Variants in STXBP5L observed in about 807,000 individuals in gnomAD.
The protein encoded by STXBP5L is syntaxin-binding protein 5-like.
In STXBP5L, 65 loss-of-function variants were observed where a neutral mutation model predicts 144.5. The ratio of observed to expected loss-of-function variants is 0.45; its 90% CI spans 0.37 to 0.55. STXBP5L has a LOEUF of 0.55. Ranked by LOEUF, STXBP5L falls within the 20% of genes least tolerant of loss-of-function variation. The probability of loss-of-function intolerance (pLI) is 0.00; values close to 1 mark genes in which losing one functional copy is unlikely to be tolerated. For missense variants in STXBP5L, 1,298 were observed against 1,405.5 expected, an observed-to-expected ratio of 0.92 and a Z score of 1.22; for synonymous variants, 505 against 469.6, an observed-to-expected ratio of 1.08 and a Z score of -0.97.
At chr3:121,394,926 G>A (rs114665868) in intron 22 of STXBP5L, among the ~76,000 whole-genome samples, 2,400 of 152,104 alleles carry the variant, frequency 0.016, 34 homozygotes, top group Non-Finnish European at 0.028. Context: ...AAAATTCACT[G>A]AAGAAAAATG....
At chr3:121,151,447 A>G (rs2107981803) in intron 7 of STXBP5L, among the ~76,000 whole-genome samples, 1 of 152,262 alleles carries the variant, frequency 6.6e-6, no homozygotes, top group African/African-American at 2.4e-5. Context: ...GAAAACTACT[A>G]GCTGGTTTAC....
intron 11 of STXBP5L, among the ~76,000 whole-genome samples, chr3:121,225,548 G>A (rs1208128333): frequency 1.3e-5 from 2 of 152,032 alleles, no homozygotes; most frequent in Non-Finnish European, 2.9e-5. Flanking sequence ...CCAATGAGGA[G>A]TCCTAATTGG....
intron 11 of STXBP5L, among the ~76,000 whole-genome samples, chr3:121,225,084 C>T (rs2108295423): frequency 1.3e-5 from 2 of 152,208 alleles, no homozygotes; most frequent in Non-Finnish European, 2.9e-5. Flanking sequence ...GAACTTTTCA[C>T]TTGTCAAAAG....
rs1287453619 is a variant in STXBP5L, at chr3:121,407,255, CA to C, written c.2601del (p.Leu868Ter). 1 of 1,563,620 alleles carries C rather than the reference CA, an allele frequency of 6.4e-7. No homozygotes were observed. Among genetic ancestry groups the C allele is most frequent in the Non-Finnish European group, 8.6e-7 (1 of 1,157,612 alleles). Reference protein sequence around the residue: ...VMVLPSGTFLSLKGAVLTFSC... With the variant: ...VMVLPSGTFLXLKGAVLTFSC... The stretch of plus-strand genomic sequence containing the variant: ...ATTGTTTTTATAGGTACATTCCTCT[CA>C]TTGAAAGGAGCTGTGCTAACATTCT... On this transcript the variant is annotated frameshift_variant, in exon 23 of 27. Coordinates refer to ENST00000471454, the MANE Select transcript of STXBP5L (RefSeq NM_001308330.2). LOFTEE classifies it high-confidence loss of function.
chr3:121,117,992 A>C (rs1387933903), intron 6 of STXBP5L, among the ~76,000 whole-genome samples: 6 of 151,774 alleles, frequency 4.0e-5, no homozygotes, highest in African/African-American at 9.7e-5. Context: ...TAACATTTTA[A>C]AAAAATGTAA....
intron 5 of STXBP5L, among the ~76,000 whole-genome samples, chr3:121,104,701 G>A (rs1291811724): frequency 6.6e-6 from 1 of 152,116 alleles, no homozygotes; most frequent in Non-Finnish European, 1.5e-5. Context: ...CACATATAGA[G>A]AATGAAAGTG....
intron 10 of STXBP5L, among the ~76,000 whole-genome samples, chr3:121,214,497 T>C (rs1343589876): frequency 1.3e-5 from 2 of 152,210 alleles, no homozygotes; most frequent in Admixed American, 1.3e-4. Flanking sequence ...GGTTGATCAG[T>C]TTCCATGTTG....
rs141796414 is a variant in STXBP5L at position 121,216,560 on chromosome 3, C to T, written c.957-6443C>T. ...TGCCTGTTCCTTCCTCTGGAAGCTT[C>T]GTCTTAGAGGGACACCCACCAGATG... On this transcript the variant is annotated intron_variant, in intron 10 of 26. Transcript: ENST00000471454. Among the ~76,000 whole-genome samples the T allele has an allele frequency of 8.3e-3, 1,267 of 152,282 alleles. 17 individuals are homozygous for T. Among genetic ancestry groups the T allele is most frequent in the African/African-American group, 0.027 (1,142 of 41,554 alleles).
intron 9 of STXBP5L, among the ~76,000 whole-genome samples, chr3:121,194,638 A>T (rs2047848254): frequency 6.6e-6 from 1 of 152,164 alleles, no homozygotes; most frequent in African/African-American, 2.4e-5. Context: ...GTTTGTGAAA[A>T]ATTGATACTA....
intron 5 of STXBP5L, among the ~76,000 whole-genome samples, chr3:121,079,467 CT>C (rs1288523074): frequency 6.6e-6 from 1 of 152,132 alleles, no homozygotes; most frequent in African/African-American, 2.4e-5. Context: ...GTTAATATTC[CT>C]TTTTAACTTG....
At chr3:120,971,810 A>T (rs1054715653) in intron 3 of STXBP5L, among the ~76,000 whole-genome samples, 2 of 151,522 alleles carry the variant, frequency 1.3e-5, no homozygotes, top group Admixed American at 6.6e-5. Flanking sequence ...ATATATATAT[A>T]TGTCTGTGCC....
intron 19 of STXBP5L, among the ~76,000 whole-genome samples, chr3:121,292,778 C>T (rs2051492590): frequency 6.6e-6 from 1 of 152,136 alleles, no homozygotes; most frequent in South Asian, 2.1e-4. Flanking sequence ...TGAAGTAACT[C>T]AGGAATGGAA....
chr3:121,026,554 G>A (rs1164822791), intron 3 of STXBP5L, among the ~76,000 whole-genome samples: 1 of 152,024 alleles, frequency 6.6e-6, no homozygotes, highest in Non-Finnish European at 1.5e-5. Flanking sequence ...AGTGCTCAAT[G>A]GTTTGGCAGT....
At chr3:121,193,163 A>T (rs1250193063) in intron 9 of STXBP5L, among the ~76,000 whole-genome samples, 2 of 142,790 alleles carry the variant, frequency 1.4e-5, no homozygotes, top group African/African-American at 5.2e-5. Context: ...GTGGGCAAAG[A>T]TATGAACAGA....
intron 3 of STXBP5L, among the ~76,000 whole-genome samples, chr3:120,994,744 T>C (rs1943203079): frequency 6.6e-6 from 1 of 152,138 alleles, no homozygotes; most frequent in Admixed American, 6.6e-5. Flanking sequence ...AGTTTTCTTT[T>C]TTGTTGCATG....
intron 8 of STXBP5L, 83 bp from the exon 9 acceptor site, chr3:121,157,421 G>C: frequency 7.5e-7 from 1 of 1,336,542 alleles, no homozygotes; most frequent in African/African-American, 1.6e-5. Flanking sequence ...TTTTATATCA[G>C]AATAGTTTTT....
chr3:121,282,126 A>T (rs902680753), intron 19 of STXBP5L: 24 of 536,014 alleles, frequency 4.5e-5, no homozygotes, highest in Non-Finnish European at 5.1e-5. Context: ...TCTCCTTCTA[A>T]TTTAATTACC....
At chr3:121,065,617 A>G (rs959969090) in intron 5 of STXBP5L, among the ~76,000 whole-genome samples, 11 of 152,178 alleles carry the variant, frequency 7.2e-5, no homozygotes, top group African/African-American at 2.7e-4. Flanking sequence ...TATGTTATTC[A>G]GGCTGGCCTC....
chr3:121,098,986 C>A (rs1006829713), intron 5 of STXBP5L: 2 of 152,114 alleles, frequency 1.3e-5, no homozygotes, highest in African/African-American at 2.4e-5. Flanking sequence ...CTCCAAATAA[C>A]CCTGTATATA....
Sources: allele counts gnomAD v4.1 joint callset (sites outside exome capture counted in the v4.1 genomes callset), GRCh38; gene constraint gnomAD v4.1.1; transcripts MANE v1.5; gene names NCBI Gene and HGNC (gene_info 2026-07-23, HGNC 2026-07-21).